The following KRT8 variants were observed in gnomAD, a reference collection of about 807,000 sequenced individuals.
KRT8 encodes keratin 8.
KRT8 carries 24 observed loss-of-function variants against 43.0 expected under a neutral mutation model. The observed-to-expected ratio is 0.56, with a 90% CI of 0.40 to 0.78. The LOEUF (loss-of-function observed/expected upper bound fraction) is 0.78. Ranked by LOEUF, KRT8 falls within the 30% of genes least tolerant of loss-of-function variation. The probability of loss-of-function intolerance (pLI) is 0.00; values close to 1 mark genes in which losing one functional copy is unlikely to be tolerated. For synonymous variants in KRT8, 214 were observed against 261.2 expected, an observed-to-expected ratio of 0.82 and a Z score of 1.74; for missense variants, 492 against 638.4, an observed-to-expected ratio of 0.77 and a Z score of 2.47.
intron 2 of KRT8, 102 bp downstream of exon 2, chr12:52,901,762 G>C: frequency 1.2e-6 from 1 of 831,684 alleles, no homozygotes; most frequent in South Asian, 1.3e-5. Context: ...AGATAGGACT[G>C]CACTTCCCAC....
intron 3 of KRT8, 151 bp from the exon 4 acceptor site, chr12:52,900,834 T>G: frequency 1.5e-6 from 1 of 679,420 alleles, no homozygotes; most frequent in Non-Finnish European, 2.7e-6. Context: ...GCCCATCACA[T>G]GTGCATTCTC....
chr12:52,945,237 T>C (rs1942325937), intron 2 of KRT8, among the ~76,000 whole-genome samples: 1 of 152,096 alleles, frequency 6.6e-6, no homozygotes, highest in Non-Finnish European at 1.5e-5. Context: ...GCCCCCTGCA[T>C]GGGTATACCC....
intron 2 of KRT8, among the ~76,000 whole-genome samples, chr12:52,917,916 A>AAAGAAG (rs1246030399): frequency 6.7e-6 from 1 of 148,932 alleles, no homozygotes; most frequent in African/African-American, 2.5e-5. Context: ...AGAAGGAGAA[A>AAAGAAG]AAGAAGAAGG....
chr12:52,938,147 TATATATATATATATATATATATA>T (rs1942200322), intron 2 of KRT8, among the ~76,000 whole-genome samples: 4 of 31,448 alleles, frequency 1.3e-4, no homozygotes, highest in Admixed American at 2.7e-4. Context: ...TATATATATA[TATATATATATATATATATATATA>T]TTTTTTTTTT....
upstream of KRT8, among the ~76,000 whole-genome samples, chr12:52,909,260 G>C (rs1423992527): frequency 2.0e-5 from 3 of 152,206 alleles, no homozygotes; most frequent in Non-Finnish European, 4.4e-5. Context: ...AGATGCCCCA[G>C]GTAAAGAGGC....
Position 52,902,304 on chromosome 12 carries a change from T to C in KRT8, c.325-232A>G. On this transcript the variant is annotated intron_variant, in intron 1 of 7. Coordinates refer to ENST00000692008, the Ensembl canonical transcript of KRT8. Reference sequence around the variant, plus strand: ...GCATTGGGTAGGGGAAGGAGACAGGTAAGGTAATTATGTTAAAGCTGCATT... The same window carrying C: ...GCATTGGGTAGGGGAAGGAGACAGGCAAGGTAATTATGTTAAAGCTGCATT... 3 of 565,270 alleles carry C rather than the reference T, an allele frequency of 5.3e-6. No homozygotes were observed. The South Asian group carries it at 6.1e-5, about 11-fold the overall frequency. 35.0% of individuals were successfully genotyped at this position (565,270 alleles called of 1,614,324 possible). A position where few individuals can be genotyped will look rare whatever the true frequency, so the allele number is the denominator to read the frequency against.
At position 52,904,991 on chromosome 12, in the gene KRT8, A is replaced by T. The variant is rs13098; in HGVS notation, c.-10T>A. The stretch of plus-strand genomic sequence containing the variant: ...TCACCCTGATGGACATGGTAGAGGC[A>T]GGAGTGGAGGCAGGCGGGCCGAACC... On this transcript the variant is annotated 5_prime_UTR_variant, in exon 1 of 8. Coordinates refer to ENST00000692008, the Ensembl canonical transcript of KRT8. 164,019 of 1,602,140 alleles carry T rather than the reference A, an allele frequency of 0.1. 9,264 individuals are homozygous for T. The highest frequency in any genetic ancestry group is 0.12 in the Non-Finnish European group (135,678 of 1,176,144).
At chr12:52,904,410 C>T (rs1941459557) in intron 1 of KRT8, among the ~76,000 whole-genome samples, 1 of 152,174 alleles carries the variant, frequency 6.6e-6, no homozygotes, top group Non-Finnish European at 1.5e-5. Context: ...TCTTCCAAGA[C>T]CCTCCAGTTT....
chr12:52,939,171 G>A (rs1278895687), intron 2 of KRT8, among the ~76,000 whole-genome samples: 1 of 152,068 alleles, frequency 6.6e-6, no homozygotes, highest in East Asian at 1.9e-4. Context: ...CATGTTACTG[G>A]GGGCATGCAA....
At chr12:52,922,534 G>A (rs549163596) in intron 2 of KRT8, among the ~76,000 whole-genome samples, 176 of 152,286 alleles carry the variant, frequency 1.2e-3, no homozygotes, top group Non-Finnish European at 1.4e-3. Flanking sequence ...TTAGCCAGGC[G>A]TGGTGGCACA....
chr12:52,905,019 G>A (rs1397862549), exon 1 of KRT8: 1 of 1,584,496 alleles, frequency 6.3e-7, no homozygotes. Flanking sequence ...GCCGAACCAG[G>A]CGGAGATCCT....
chr12:52,945,634 C>T (rs1360586807), intron 2 of KRT8, among the ~76,000 whole-genome samples: 2 of 152,156 alleles, frequency 1.3e-5, no homozygotes, highest in Non-Finnish European at 1.5e-5. Flanking sequence ...CCACCCCTAT[C>T]GGGTCATCTC....
intron 2 of KRT8, among the ~76,000 whole-genome samples, chr12:52,923,119 T>C (rs1052659589): frequency 6.6e-6 from 1 of 152,232 alleles, no homozygotes; most frequent in Non-Finnish European, 1.5e-5. Flanking sequence ...TGCAAATTCC[T>C]ACCACTACCT....
At chr12:52,940,625 AT>A (rs71092795) in intron 2 of KRT8, among the ~76,000 whole-genome samples, 47,686 of 127,404 alleles carry the variant, frequency 0.37, 8,708 homozygotes, top group African/African-American at 0.53. Context: ...AACACAGTGG[AT>A]TTTTTTTTTT....
At chr12:52,927,149 G>T (rs1167563591) in intron 2 of KRT8, among the ~76,000 whole-genome samples, 1 of 152,146 alleles carries the variant, frequency 6.6e-6, no homozygotes, top group Non-Finnish European at 1.5e-5. Flanking sequence ...CCTCAGAAGG[G>T]TGTCCACAGC....
upstream of KRT8, among the ~76,000 whole-genome samples, chr12:52,909,029 AAT>A (rs1941579311): frequency 6.6e-6 from 1 of 152,156 alleles, no homozygotes; most frequent in Non-Finnish European, 1.5e-5. Flanking sequence ...TAAATAAATA[AAT>A]AAACAAATTT....
At chr12:52,943,314 T>G (rs1942295605) in intron 2 of KRT8, among the ~76,000 whole-genome samples, 1 of 152,182 alleles carries the variant, frequency 6.6e-6, no homozygotes, top group Non-Finnish European at 1.5e-5. Context: ...CTACTGAAAG[T>G]GCTCTTTTTG....
At chr12:52,907,230 C>A (rs1222980218), upstream of KRT8, among the ~76,000 whole-genome samples, 9 of 152,152 alleles carry the variant, frequency 5.9e-5, no homozygotes, top group Admixed American at 4.6e-4. Flanking sequence ...CATGCTACCC[C>A]CTCCCCAACA....
chr12:52,918,178 G>GA (rs879329542), intron 2 of KRT8, among the ~76,000 whole-genome samples: 13,145 of 122,138 alleles, frequency 0.11, 2,567 homozygotes, highest in African/African-American at 0.12. Flanking sequence ...AGAAGAGGAA[G>GA]AGGAAGAAGA....
Sources: allele counts gnomAD v4.1 joint callset (sites outside exome capture counted in the v4.1 genomes callset), GRCh38; gene constraint gnomAD v4.1.1; transcripts MANE v1.5; gene names NCBI Gene and HGNC (gene_info 2026-07-23, HGNC 2026-07-21).